Variants in EP300 observed in about 807,000 individuals in gnomAD.
EP300 encodes EP300 lysine acetyltransferase, also known as histone acetyltransferase p300.
EP300 carries 31 observed loss-of-function variants against 264.0 expected under a neutral mutation model. The ratio of observed to expected loss-of-function variants is 0.12; its 90% CI spans 0.09 to 0.16. EP300 has a LOEUF of 0.16. Among genes scored for constraint, EP300 ranks in the 10% least tolerant of loss-of-function variants. EP300 has a pLI of 1.00. For missense variants in EP300, 2,766 were observed against 3,052.9 expected (o/e 0.91, Z 2.21); for synonymous variants, 1,340 against 1,045.4 (o/e 1.28, Z -5.44).
chr22:41,147,160 G>A (rs2059015775), intron 11 of EP300, among the ~76,000 whole-genome samples: 1 of 152,084 alleles, frequency 6.6e-6, no homozygotes, highest in African/African-American at 2.4e-5. Context: ...AAAAAAATTA[G>A]CCGGTTGTAG....
chr22:41,104,364 A>G (rs560076594), intron 1 of EP300, among the ~76,000 whole-genome samples: 2 of 151,586 alleles, frequency 1.3e-5, no homozygotes, highest in Non-Finnish European at 2.9e-5. Flanking sequence ...ATCTTGGCTC[A>G]CTGCAACCTC....
At chr22:41,146,963 C>T in intron 11 of EP300, 147 bp downstream of exon 11, 1 of 740,078 alleles carries the variant, frequency 1.4e-6, no homozygotes, top group South Asian at 1.5e-5. Context: ...AGCAGGTTGG[C>T]TGGCAGATCA....
At chr22:41,129,016 CAG>C (rs904108504) in intron 4 of EP300, among the ~76,000 whole-genome samples, 32 of 150,930 alleles carry the variant, frequency 2.1e-4, no homozygotes, top group Middle Eastern at 3.4e-3. Flanking sequence ...GATAAAAACA[CAG>C]TTTTTTTTTT....
rs749494612 is a variant in EP300 at position 41,117,358 on chromosome 22, G to C, written c.266G>C (p.Ser89Thr). ...KQLSELLRSGSSPNLNMGVGG... is the reference protein window; with the variant it reads ...KQLSELLRSGTSPNLNMGVGG... ...CTGTCAGAATTGCTGCGATCTGGTA[G>C]TTCCCCTAACCTCAATATGGGAGTT... is the stretch of plus-strand genomic sequence containing the variant. The change falls in exon 2 of 31, where the codon AGT becomes ACT. Residue 89 changes from serine to threonine, a missense_variant. Coordinates refer to ENST00000263253, the MANE Select transcript of EP300 (RefSeq NM_001429.4). 1.7e-5 allele frequency: 28 copies of C among 1,614,206 alleles called. 1 individual carries two copies. The South Asian group carries it at 2.6e-4, about 15-fold the overall frequency.
Position 41,177,945 on chromosome 22 carries a change from C to T in EP300, c.6234C>T (p.Pro2078=), listed in dbSNP as rs1423534429. ...QQVLSILHAN[P]QLLAAFIKQR... Reference sequence around the variant, plus strand: ...TGCTTAGTATCCTTCACGCCAACCCCCAGCTGTTGGCTGCATTCATCAAGC... The same window carrying T: ...TGCTTAGTATCCTTCACGCCAACCCTCAGCTGTTGGCTGCATTCATCAAGC... Residue 2078 remains proline (P), a synonymous_variant, in exon 31 of 31, where the codon CCC becomes CCT. Transcript: ENST00000263253. 2 of 1,614,058 alleles carry T rather than the reference C, an allele frequency of 1.2e-6. No homozygotes were observed. Among genetic ancestry groups the T allele is most frequent in the African/African-American group, 1.3e-5 (1 of 74,926 alleles).
intron 7 of EP300, among the ~76,000 whole-genome samples, chr22:41,137,051 C>T (rs968979522): frequency 1.4e-5 from 2 of 145,938 alleles, no homozygotes; most frequent in Admixed American, 7.3e-5. Context: ...CAGAGCGACA[C>T]GCCATCTCAA....
chr22:41,170,653 CTTTTTTTTTTTTTT>C lies in EP300; in HGVS notation c.4452+95_4452+108del, dbSNP rs35506286. 15 of 391,660 alleles carry C rather than the reference CTTTTTTTTTTTTTT, an allele frequency of 3.8e-5. 1 individual carries two copies. Among genetic ancestry groups the C allele is most frequent in the Non-Finnish European group, 6.0e-5 (14 of 231,562 alleles). 24.3% of individuals were successfully genotyped at this position (391,660 alleles called of 1,614,324 possible). A position where few individuals can be genotyped will look rare whatever the true frequency, so the allele number is the denominator to read the frequency against. ...TGCTGCTCTTTGTTCTGTCATTTAA[CTTTTTTTTTTTTTT>C]TTTTTTTTTTTTGAGACGGAGTCTC... On this transcript the variant is annotated intron_variant, in intron 27 of 30. Transcript: ENST00000263253.
chr22:41,166,511 T>G (rs1202870311), intron 22 of EP300, 88 bp from the exon 23 acceptor site: 1 of 1,026,660 alleles, frequency 9.7e-7, no homozygotes, highest in Non-Finnish European at 1.5e-6. Context: ...ATACTTCTGC[T>G]AGATTGTCTT....
intron 29 of EP300, among the ~76,000 whole-genome samples, chr22:41,174,281 C>A (rs1464164553): frequency 6.6e-6 from 1 of 151,826 alleles, no homozygotes; most frequent in Non-Finnish European, 1.5e-5. Context: ...ACTAAAAATA[C>A]AAAAATTAGC....
intron 11 of EP300, among the ~76,000 whole-genome samples, chr22:41,147,507 G>A (rs1454341417): frequency 6.6e-6 from 1 of 152,150 alleles, no homozygotes; most frequent in Non-Finnish European, 1.5e-5. Flanking sequence ...GGAGGCTGAG[G>A]CGGGCAGATC....
intron 1 of EP300, among the ~76,000 whole-genome samples, chr22:41,096,400 T>C (rs1472765971): frequency 6.6e-6 from 1 of 152,116 alleles, no homozygotes; most frequent in African/African-American, 2.4e-5. Context: ...AAAGATAGGA[T>C]TTTAGGATCT....
At chr22:41,113,637 C>T (rs1193667434) in intron 1 of EP300, among the ~76,000 whole-genome samples, 2 of 152,160 alleles carry the variant, frequency 1.3e-5, no homozygotes, top group Non-Finnish European at 2.9e-5. Flanking sequence ...AACTCTGTCT[C>T]CCGGGTTCAT....
In EP300 at chr22:41,179,691, C is replaced by T. The variant is rs1170876022; in HGVS notation, c.*735C>T. On this transcript the variant is annotated 3_prime_UTR_variant, in exon 31 of 31. Coordinates refer to ENST00000263253, the MANE Select transcript of EP300 (RefSeq NM_001429.4). ...TTTCAAAAATATACAGGGGCAGCTG[C>T]CAAATTGATGTATTATATATTGTGG... is the stretch of plus-strand genomic sequence containing the variant. The T allele has an allele frequency of 4.4e-6, 1 of 229,104 alleles. No homozygotes were observed. Among genetic ancestry groups the T allele is most frequent in the Non-Finnish European group, 8.7e-6 (1 of 115,604 alleles). 14.2% of individuals were successfully genotyped at this position (229,104 alleles called of 1,614,324 possible).
rs1850871108 is a variant in EP300 at position 41,152,367 on chromosome 22, A to G, written c.3142+17A>G. Reference sequence around the variant, plus strand: ...AGAAAAAGAGTGAGTCTCTGAAGCCATTCGTTCTGGAGGTAGCTGAAGAAA... The same window carrying G: ...AGAAAAAGAGTGAGTCTCTGAAGCCGTTCGTTCTGGAGGTAGCTGAAGAAA... On this transcript the variant is annotated intron_variant, in intron 16 of 30. Coordinates refer to ENST00000263253, the MANE Select transcript of EP300 (RefSeq NM_001429.4). 1 of 1,608,910 alleles carries G rather than the reference A, an allele frequency of 6.2e-7. No individual in the cohort carries two copies. The highest frequency in any genetic ancestry group is 8.5e-7 in the Non-Finnish European group (1 of 1,177,130).
In EP300 at chr22:41,146,748, T is replaced by G; in HGVS notation, c.2063T>G (p.Leu688Arg). Residue 688 changes from leucine to arginine, a missense_variant, in exon 11 of 31, where the codon CTA becomes CGA. Physicochemically the swap from Leu to Arg is moderately radical, Grantham distance 102. Coordinates refer to ENST00000263253, the MANE Select transcript of EP300 (RefSeq NM_001429.4). ...PQPGMTSNGP[L>R]PDPSMIRGSV... ...CTCTTTTTTACTCTAGATGGCCCTC[T>G]ACCTGACCCAAGTATGATCCGTGGC... is the stretch of plus-strand genomic sequence containing the variant. 6.2e-7 allele frequency: 1 copy of G among 1,614,196 alleles called. No individual in the cohort carries two copies. Among genetic ancestry groups the G allele is most frequent in the African/African-American group, 1.3e-5 (1 of 75,064 alleles).
chr22:41,120,907 G>T (rs1013553698), intron 2 of EP300, among the ~76,000 whole-genome samples: 1 of 152,090 alleles, frequency 6.6e-6, no homozygotes, highest in African/African-American at 2.4e-5. Context: ...TTGAGACAGG[G>T]TCTCACTATG....
intron 6 of EP300, among the ~76,000 whole-genome samples, chr22:41,133,198 CGAGGCTG>C (rs2058930880): frequency 7.2e-6 from 1 of 138,032 alleles, no homozygotes; most frequent in Non-Finnish European, 1.5e-5. Flanking sequence ...GCTGTGTCAC[CGAGGCTG>C]GAGTACAGTG....
At chr22:41,148,999 T>G in intron 12 of EP300, 39 bp from the exon 13 acceptor site, 1 of 1,613,260 alleles carries the variant, frequency 6.2e-7, no homozygotes, top group Non-Finnish European at 8.5e-7. Context: ...ATAACTATAA[T>G]GAAGCAGTTT....
intron 29 of EP300, among the ~76,000 whole-genome samples, chr22:41,174,397 C>T (rs539224799): frequency 3.5e-4 from 53 of 152,236 alleles, no homozygotes; most frequent in Non-Finnish European, 5.4e-4. Flanking sequence ...GGTGACAGAA[C>T]GAGACTCTGT....
Sources: gnomAD v4.1 joint callset for allele counts (sites outside exome capture counted in the v4.1 genomes callset) on GRCh38, gnomAD v4.1.1 for gene constraint, MANE v1.5 for transcripts, NCBI Gene and HGNC (gene_info 2026-07-23, HGNC 2026-07-21) for gene names.